Variants in RORA observed in about 807,000 individuals in gnomAD.
RORA encodes nuclear receptor ROR-alpha.
A neutral mutation model predicts 69.5 loss-of-function variants in RORA; 7 were observed. The observed-to-expected ratio is 0.10, with a 90% CI of 0.06 to 0.19. The LOEUF is 0.19. Among genes scored for constraint, RORA ranks in the 10% least tolerant of loss-of-function variants. The pLI is 1.00. For synonymous variants in RORA, 261 were observed against 240.8 expected, an observed-to-expected ratio of 1.08 and a Z score of -0.78; for missense variants, 457 against 663.0, an observed-to-expected ratio of 0.69 and a Z score of 3.41.
intron 1 of RORA, among the ~76,000 whole-genome samples, chr15:60,690,685 C>T (rs2070810130): frequency 6.6e-6 from 1 of 152,172 alleles, no homozygotes; most frequent in African/African-American, 2.4e-5. Context: ...AGAAATTGTA[C>T]CTTTCCCTGA....
chr15:61,071,526 G>A (rs1320726655), intron 1 of RORA, among the ~76,000 whole-genome samples: 1 of 15,862 alleles, frequency 6.3e-5, no homozygotes, highest in African/African-American at 3.5e-4. Context: ...GGGAGGGGAG[G>A]GGGAAGCGGT....
intron 2 of RORA, among the ~76,000 whole-genome samples, chr15:60,547,540 G>C (rs140033321): frequency 0.067 from 10,172 of 151,232 alleles, 409 homozygotes; most frequent in Non-Finnish European, 0.079. Flanking sequence ...TGGCCAGGCT[G>C]GTCTTGATCT....
At chr15:60,736,265 T>C (rs2071498155) in intron 1 of RORA, among the ~76,000 whole-genome samples, 1 of 152,160 alleles carries the variant, frequency 6.6e-6, no homozygotes. Context: ...CAATCTCAGT[T>C]GGTACAGGAA....
chr15:60,938,631 A>G (rs1268228851), intron 1 of RORA, among the ~76,000 whole-genome samples: 1 of 152,204 alleles, frequency 6.6e-6, no homozygotes, highest in Non-Finnish European at 1.5e-5. Context: ...AAACTAGAGG[A>G]GGGAAACACT....
chr15:60,561,901 G>C (rs1208832715), intron 2 of RORA, among the ~76,000 whole-genome samples: 1 of 151,632 alleles, frequency 6.6e-6, no homozygotes, highest in Non-Finnish European at 1.5e-5. Context: ...TGGAATCTGT[G>C]ATACACAGAA....
chr15:60,703,326 G>T (rs2140795508), intron 1 of RORA, among the ~76,000 whole-genome samples: 1 of 152,290 alleles, frequency 6.6e-6, no homozygotes, highest in African/African-American at 2.4e-5. Flanking sequence ...ACCTTGGAAA[G>T]TTCTCTGAGG....
chr15:61,077,865 G>A (rs1032084742), intron 1 of RORA, among the ~76,000 whole-genome samples: 1 of 152,136 alleles, frequency 6.6e-6, no homozygotes, highest in Non-Finnish European at 1.5e-5. Context: ...ATGCAGGCCT[G>A]CCCTCTTGCC....
At chr15:60,609,819 CTCT>C (rs781494710) in intron 2 of RORA, among the ~76,000 whole-genome samples, 9 of 152,294 alleles carry the variant, frequency 5.9e-5, no homozygotes, top group East Asian at 1.9e-4. Flanking sequence ...AGGGAATGGC[CTCT>C]TCTTCAGAAG....
chr15:60,935,332 T>C (rs1395695816), intron 1 of RORA, among the ~76,000 whole-genome samples: 1 of 152,184 alleles, frequency 6.6e-6, no homozygotes, highest in African/African-American at 2.4e-5. Flanking sequence ...TGTTTAATAA[T>C]AACCAGAAAC....
intron 1 of RORA, among the ~76,000 whole-genome samples, chr15:61,021,263 T>C (rs1895507664): frequency 6.6e-6 from 1 of 152,240 alleles, no homozygotes. Flanking sequence ...TTTCAGCCTC[T>C]ATAGTGGGAG....
intron 1 of RORA, among the ~76,000 whole-genome samples, chr15:61,104,864 T>C (rs1443082788): frequency 6.6e-6 from 1 of 152,168 alleles, no homozygotes; most frequent in Non-Finnish European, 1.5e-5. Flanking sequence ...AATTGAATCA[T>C]GGAGGCAGTT....
chr15:61,043,874 G>A (rs1896902204), intron 1 of RORA, among the ~76,000 whole-genome samples: 1 of 152,144 alleles, frequency 6.6e-6, no homozygotes, highest in Non-Finnish European at 1.5e-5. Context: ...TGTGTAGCCT[G>A]CTCTTGTGTC....
chr15:60,587,652 ATTTG>A (rs745451953), intron 2 of RORA, among the ~76,000 whole-genome samples: 2 of 152,196 alleles, frequency 1.3e-5, no homozygotes, highest in Non-Finnish European at 2.9e-5. Context: ...TCATCTCCCT[ATTTG>A]TTTATGAAAT....
At chr15:60,885,046 C>T (rs775306130) in intron 1 of RORA, among the ~76,000 whole-genome samples, 1 of 152,202 alleles carries the variant, frequency 6.6e-6, no homozygotes, top group African/African-American at 2.4e-5. Flanking sequence ...ATGAAAACAG[C>T]GTATATGACT....
At chr15:61,191,143 GT>G (rs1220723732) in intron 1 of RORA, among the ~76,000 whole-genome samples, 1 of 152,058 alleles carries the variant, frequency 6.6e-6, no homozygotes, top group Non-Finnish European at 1.5e-5. Context: ...TGGCTCCACC[GT>G]TACGGATTTG....
rs1042593106 is a variant in RORA, at chr15:60,739,006, A to G, written c.167-60320T>C. Among the ~76,000 whole-genome samples, 9 of 152,326 alleles carry G rather than the reference A, an allele frequency of 5.9e-5. No individual in the cohort carries two copies. In the East Asian group the frequency reaches 9.7e-4, roughly 16 times the overall value. ...TCCGATTAGGGGCCCACCCTACTCC[A>G]TGATGACCTCATTTTAACTTAACTA... On this transcript the variant is annotated intron_variant, in intron 1 of 10. Transcript: ENST00000335670.
intron 1 of RORA, among the ~76,000 whole-genome samples, chr15:61,029,803 G>A (rs1002111230): frequency 2.6e-5 from 4 of 152,190 alleles, no homozygotes; most frequent in East Asian, 3.8e-4. Flanking sequence ...CAATGAGTCT[G>A]GTTTTAGACA....
rs143675037 is a variant in RORA at position 61,101,897 on chromosome 15, T to C, written c.166+127156A>G. On this transcript the variant is annotated intron_variant, in intron 1 of 10. Transcript: ENST00000335670. ...GAAGTAATTCTCAGGGTCTTGGTGA[T>C]AGAATCCATATGAGACAGAGGTGCA... 5.1e-4 allele frequency among the ~76,000 whole-genome samples: 78 copies of C among 152,136 alleles called. 2 individuals are homozygous for C. In the South Asian group the frequency reaches 0.011, roughly 21 times the overall value.
At chr15:60,619,923 T>C (rs1357456739) in intron 2 of RORA, among the ~76,000 whole-genome samples, 1 of 152,236 alleles carries the variant, frequency 6.6e-6, no homozygotes, top group East Asian at 1.9e-4. Context: ...CTAGGCTGAT[T>C]CTCTCTGTTC....
Sources: allele counts gnomAD v4.1 joint callset (sites outside exome capture counted in the v4.1 genomes callset), GRCh38; gene constraint gnomAD v4.1.1; transcripts MANE v1.5; gene names NCBI Gene and HGNC (gene_info 2026-07-23, HGNC 2026-07-21).